Variants in LGI2 observed in about 807,000 individuals in gnomAD.
LGI2 encodes leucine rich repeat LGI family member 2.
A neutral mutation model predicts 52.0 loss-of-function variants in LGI2; 30 were observed. That is an observed-to-expected ratio of 0.58 (90% confidence interval 0.43 to 0.78). LGI2 has a LOEUF of 0.78. LGI2 is among the 30% of genes least tolerant of loss of function. LGI2 has a pLI of 0.00. For missense variants in LGI2, 573 were observed against 692.5 expected, an observed-to-expected ratio of 0.83 and a Z score of 1.94; for synonymous variants, 270 against 271.8, an observed-to-expected ratio of 0.99 and a Z score of 0.06.
chr4:24,996,432 G>A (rs1725082858), downstream of LGI2, among the ~76,000 whole-genome samples: 1 of 152,158 alleles, frequency 6.6e-6, no homozygotes, highest in Non-Finnish European at 1.5e-5. Flanking sequence ...AAAGAGGCAG[G>A]AAAATGATGT....
At chr4:25,008,312 G>A (rs149266752) in intron 7 of LGI2, among the ~76,000 whole-genome samples, 168 of 152,232 alleles carry the variant, frequency 1.1e-3, no homozygotes, top group African/African-American at 3.3e-3. Context: ...TAACACTTTG[G>A]GAGGCCGAGG....
chr4:24,992,214 C>T, the LGI2 span, among the ~76,000 whole-genome samples: 2 of 152,192 alleles, frequency 1.3e-5, no homozygotes, highest in African/African-American at 4.8e-5. Flanking sequence ...TCTGGGTCTC[C>T]ACTTCCTACC....
rs550128543 is a variant in LGI2, at chr4:24,999,699, T to A, written c.*3752A>T. 5.0e-5 allele frequency: 20 copies of A among 396,362 alleles called. No homozygotes were observed. The East Asian group carries it at 9.4e-4, about 19-fold the overall frequency. 24.6% of individuals were successfully genotyped at this position (396,362 alleles called of 1,614,324 possible). A position where few individuals can be genotyped will look rare whatever the true frequency, so the allele number is the denominator to read the frequency against. On this transcript the variant is annotated 3_prime_UTR_variant, in exon 8 of 8. Coordinates refer to ENST00000382114, the MANE Select transcript of LGI2 (RefSeq NM_018176.4). ...ATACCCCAGGCCAGAGAAATTTCCA[T>A]CATGAGCACTCCTGACCGCCAAACC...
Position 25,008,905 on chromosome 4 carries a change from C to A in LGI2, c.820+3430G>T, listed in dbSNP as rs143530960. 9.1e-3 allele frequency among the ~76,000 whole-genome samples: 1,385 copies of A among 152,320 alleles called. 22 individuals carry two copies. The highest frequency in any genetic ancestry group is 0.032 in the African/African-American group (1,321 of 41,560). On this transcript the variant is annotated intron_variant, in intron 7 of 7. Coordinates refer to ENST00000382114, the MANE Select transcript of LGI2 (RefSeq NM_018176.4). ...CAGCAGGGCTCTGGCCCCAGCCACACCCACTCGGATCGCACTGACTTCCTC... is the reference window on the plus strand; with the variant it reads ...CAGCAGGGCTCTGGCCCCAGCCACAACCACTCGGATCGCACTGACTTCCTC...
chr4:25,018,185 C>T, intron 5 of LGI2, 27 bp from the exon 6 acceptor site: 1 of 1,526,056 alleles, frequency 6.6e-7, no homozygotes, highest in Non-Finnish European at 8.9e-7. Flanking sequence ...AACACAAACA[C>T]ATACAAAGAG....
chr4:25,003,934 C>A lies in LGI2; in HGVS notation c.1155G>T (p.Ser385=). ...DAEFVDIDGK[S]HLILSSRSQV... ...GGGAGCGGCTGGACAGGATGAGATG[C>A]GATTTTCCATCGATATCAACAAACT... The change falls in exon 8 of 8, where the codon TCG becomes TCT. Residue 385 remains serine, a synonymous_variant. Transcript: ENST00000382114. 1 of 1,614,130 alleles carries A rather than the reference C, an allele frequency of 6.2e-7. No individual in the cohort carries two copies. The highest frequency in any genetic ancestry group is 8.5e-7 in the Non-Finnish European group (1 of 1,180,038).
At chr4:25,011,323 C>T (rs1165306190) in intron 7 of LGI2, among the ~76,000 whole-genome samples, 3 of 152,182 alleles carry the variant, frequency 2.0e-5, no homozygotes, top group Non-Finnish European at 4.4e-5. Context: ...TGAGTCTGCA[C>T]TTCCAAGAGC....
chr4:25,029,425 G>A (rs1170742277), intron 1 of LGI2, among the ~76,000 whole-genome samples: 3 of 152,176 alleles, frequency 2.0e-5, no homozygotes, highest in African/African-American at 7.2e-5. Flanking sequence ...ATTTGCCTTG[G>A]GTGGGAGGCT....
intron 5 of LGI2, among the ~76,000 whole-genome samples, 194 bp from the exon 6 acceptor site, chr4:25,018,352 C>T (rs1342784111): frequency 6.6e-6 from 1 of 152,186 alleles, no homozygotes; most frequent in Non-Finnish European, 1.5e-5. Context: ...TAATACTCCT[C>T]AGCACCTGGG....
Position 25,003,701 on chromosome 4 carries a change from C to G in LGI2, c.1388G>C (p.Gly463Ala). 6.2e-7 allele frequency: 1 copy of G among 1,614,168 alleles called. No homozygotes were observed. The highest frequency in any genetic ancestry group is 8.5e-7 in the Non-Finnish European group (1 of 1,180,042). Residue 463 changes from glycine to alanine, a missense_variant, in exon 8 of 8, where the codon GGG becomes GCG. Gly to Ala is a moderately conservative substitution (Grantham distance 60). Transcript: ENST00000382114. The part of the protein sequence containing the change: ...FVEIQALPSR[G>A]AMTLQPFSFK... ...AGAAAAGGGCTGCAGGGTCATGGCC[C>G]CCCGGGATGGAAGAGCTTGGATCTC...
intron 6 of LGI2, among the ~76,000 whole-genome samples, chr4:25,012,970 T>G (rs1357976053): frequency 6.6e-6 from 1 of 152,218 alleles, no homozygotes; most frequent in Non-Finnish European, 1.5e-5. Flanking sequence ...TTGTTTGATA[T>G]GGTGCTTCTC....
At chr4:25,027,478 C>T (rs1449102563) in intron 2 of LGI2, among the ~76,000 whole-genome samples, 4 of 151,730 alleles carry the variant, frequency 2.6e-5, no homozygotes, top group South Asian at 2.1e-4. Flanking sequence ...TCACCCAAGT[C>T]TACTGGCAAA....
intron 3 of LGI2, among the ~76,000 whole-genome samples, chr4:25,026,291 G>A (rs1223797229): frequency 1.3e-5 from 2 of 151,504 alleles, no homozygotes; most frequent in Non-Finnish European, 2.9e-5. Flanking sequence ...AGGAAGAAAA[G>A]GCAGAAATCA....
At chr4:24,997,570 A>G (rs1434044619), downstream of LGI2, among the ~76,000 whole-genome samples, 1 of 152,196 alleles carries the variant, frequency 6.6e-6, no homozygotes, top group African/African-American at 2.4e-5. Context: ...CCTCATATGA[A>G]TTTATTATCT....
chr4:24,995,851 G>T (rs1170753427), downstream of LGI2, among the ~76,000 whole-genome samples: 3 of 152,204 alleles, frequency 2.0e-5, no homozygotes, highest in Non-Finnish European at 4.4e-5. Context: ...ACAACAGCAA[G>T]AATAAAATAC....
chr4:25,003,517 A>G lies in LGI2; in HGVS notation c.1572T>C (p.Phe524=). ...TAVSTDRRDF[F]FASSFKGKTK... Reference sequence around the variant, plus strand: ...TTTTCCCTTTGAAACTGGATGCAAAAAAGAAATCTCTCCTGTCGGTGGAGA... The same window carrying G: ...TTTTCCCTTTGAAACTGGATGCAAAGAAGAAATCTCTCCTGTCGGTGGAGA... Residue 524 remains phenylalanine (F), a synonymous_variant, in exon 8 of 8, where the codon TTT becomes TTC. Transcript: ENST00000382114. 2 of 1,606,904 alleles carry G rather than the reference A, an allele frequency of 1.2e-6. No homozygotes were observed. Among genetic ancestry groups the G allele is most frequent in the Non-Finnish European group, 1.7e-6 (2 of 1,178,476 alleles).
chr4:25,028,701 C>G, intron 1 of LGI2, 123 bp from the exon 2 acceptor site: 2 of 755,582 alleles, frequency 2.6e-6, no homozygotes, highest in East Asian at 5.5e-5. Flanking sequence ...TGAGGCATAG[C>G]ACAGTTGCCC....
At chr4:25,012,083 TC>T (rs1725601253) in intron 7 of LGI2, among the ~76,000 whole-genome samples, 1 of 152,098 alleles carries the variant, frequency 6.6e-6, no homozygotes, top group Non-Finnish European at 1.5e-5. Flanking sequence ...AGAAAATGCC[TC>T]CCACCACATG....
rs148327769 is a variant in LGI2, at chr4:25,027,269, T to C, written c.270-330A>G. Among the ~76,000 whole-genome samples, 693 of 152,188 alleles carry C rather than the reference T, an allele frequency of 4.6e-3. 5 individuals carry two copies. The highest frequency in any genetic ancestry group is 0.016 in the African/African-American group (649 of 41,502). Reference sequence around the variant, plus strand: ...TAAACAGCCAGTGAATGCTTTATGGTACACAAGCAATCATAAAATTAGAGA... The same window carrying C: ...TAAACAGCCAGTGAATGCTTTATGGCACACAAGCAATCATAAAATTAGAGA... On this transcript the variant is annotated intron_variant, in intron 2 of 7. Coordinates refer to ENST00000382114, the MANE Select transcript of LGI2 (RefSeq NM_018176.4).
Sources: allele counts gnomAD v4.1 joint callset (sites outside exome capture counted in the v4.1 genomes callset), GRCh38; gene constraint gnomAD v4.1.1; transcripts MANE v1.5; gene names NCBI Gene and HGNC (gene_info 2026-07-23, HGNC 2026-07-21).